Variants in SEMA6D observed in about 807,000 individuals in gnomAD.
SEMA6D encodes the protein semaphorin-6D.
In SEMA6D, 35 loss-of-function variants were observed where a neutral mutation model predicts 106.6. The observed-to-expected ratio is 0.33, with a 90% confidence interval of 0.25 to 0.44. SEMA6D has a LOEUF of 0.44. Ranked by LOEUF, SEMA6D falls within the 20% of genes least tolerant of loss-of-function variation. The pLI is 1.00. For synonymous variants in SEMA6D, 499 were observed against 487.7 expected, an observed-to-expected ratio of 1.02 and a Z score of -0.31; for missense variants, 1,185 against 1,345.9, an observed-to-expected ratio of 0.88 and a Z score of 1.87.
chr15:47,765,446 C>T, intron 13 of SEMA6D: 2 of 997,858 alleles, frequency 2.0e-6, no homozygotes, highest in Non-Finnish European at 2.4e-6. Flanking sequence ...TATTTCCTTC[C>T]TATCTTTAAT....
intron 1 of SEMA6D, among the ~76,000 whole-genome samples, chr15:47,323,612 A>G (rs994402656): frequency 6.6e-6 from 1 of 152,162 alleles, no homozygotes; most frequent in African/African-American, 2.4e-5. Flanking sequence ...CATGGATTCT[A>G]TCTGAAACTG....
intron 3 of SEMA6D, among the ~76,000 whole-genome samples, chr15:47,591,335 G>T (rs554070162): frequency 6.6e-6 from 1 of 152,240 alleles, no homozygotes; most frequent in East Asian, 1.9e-4. Context: ...CATTAAATTT[G>T]GAGGAACACA....
chr15:47,359,575 A>G (rs1408184025), intron 1 of SEMA6D: 2 of 152,190 alleles, frequency 1.3e-5, no homozygotes, highest in Non-Finnish European at 2.9e-5. Context: ...TAGAAGACAT[A>G]GTTATGATAG....
At chr15:47,397,733 C>G (rs2040263617) in intron 1 of SEMA6D, 1 of 152,140 alleles carries the variant, frequency 6.6e-6, no homozygotes, top group Non-Finnish European at 1.5e-5. Flanking sequence ...TCAGCATTTC[C>G]TTGCTTTGTA....
At chr15:47,584,699 G>A (rs991366088) in intron 3 of SEMA6D, among the ~76,000 whole-genome samples, 8 of 152,122 alleles carry the variant, frequency 5.3e-5, no homozygotes, top group Non-Finnish European at 1.0e-4. Context: ...ATGAATGATT[G>A]GATGAGGCTT....
intron 3 of SEMA6D, among the ~76,000 whole-genome samples, chr15:47,577,216 C>A (rs1386368823): frequency 6.6e-6 from 1 of 152,210 alleles, no homozygotes; most frequent in East Asian, 1.9e-4. Context: ...CTCTCCTTTT[C>A]CCCTGATATT....
chr15:47,329,110 C>T (rs73401063), intron 1 of SEMA6D, among the ~76,000 whole-genome samples: 38 of 152,210 alleles, frequency 2.5e-4, no homozygotes, highest in East Asian at 1.9e-4. Context: ...GCTGGCCATA[C>T]GCAGCTGAAC....
intron 1 of SEMA6D, chr15:47,399,352 C>G (rs1436062682): frequency 1.3e-5 from 2 of 152,246 alleles, no homozygotes; most frequent in Non-Finnish European, 2.9e-5. Flanking sequence ...CAACATTAAA[C>G]TTTCCAGTTC....
At chr15:47,572,681 A>G (rs1344015926) in intron 3 of SEMA6D, among the ~76,000 whole-genome samples, 1 of 152,200 alleles carries the variant, frequency 6.6e-6, no homozygotes, top group Non-Finnish European at 1.5e-5. Context: ...CATATATACA[A>G]CACTTTCTTC....
At chr15:47,467,420 A>G (rs2042697692) in intron 2 of SEMA6D, among the ~76,000 whole-genome samples, 1 of 152,206 alleles carries the variant, frequency 6.6e-6, no homozygotes, top group African/African-American at 2.4e-5. Flanking sequence ...TGCTTGCTAG[A>G]AGAGGCAATG....
chr15:47,314,408 C>A (rs550261407), intron 1 of SEMA6D, among the ~76,000 whole-genome samples: 2 of 150,774 alleles, frequency 1.3e-5, no homozygotes, highest in African/African-American at 2.4e-5. Flanking sequence ...ACCATCCTGG[C>A]TAAAACGGTG....
intron 1 of SEMA6D, among the ~76,000 whole-genome samples, chr15:47,726,563 G>T (rs1236044676): frequency 6.6e-6 from 1 of 152,160 alleles, no homozygotes; most frequent in East Asian, 1.9e-4. Flanking sequence ...CTTCGTGGGG[G>T]CTGTGAGTTT....
intron 4 of SEMA6D, among the ~76,000 whole-genome samples, chr15:47,623,786 G>A (rs1164552692): frequency 6.6e-6 from 1 of 152,114 alleles, no homozygotes; most frequent in African/African-American, 2.4e-5. Context: ...GTATTTTGTA[G>A]CCCAGAAGGA....
chr15:47,377,964 C>T lies in SEMA6D; in HGVS notation c.-238-34429C>T, dbSNP rs186318123. On this transcript the variant is annotated intron_variant, in intron 1 of 19. Coordinates refer to the SEMA6D transcript ENST00000558014. The stretch of plus-strand genomic sequence containing the variant: ...TAGGTGAAAGTTTATACCACCTGGT[C>T]CCTTTCCATTGAATATATTACCTGG... Among the ~76,000 whole-genome samples the T allele has an allele frequency of 7.9e-5, 12 of 152,248 alleles. No individual in the cohort carries two copies. The East Asian group carries it at 2.3e-3, about 29-fold the overall frequency.
chr15:47,374,733 G>T (rs2039392308), intron 1 of SEMA6D, among the ~76,000 whole-genome samples: 1 of 152,146 alleles, frequency 6.6e-6, no homozygotes, highest in Non-Finnish European at 1.5e-5. Context: ...GAGCAGCAAG[G>T]ACAAAATACA....
intron 2 of SEMA6D, among the ~76,000 whole-genome samples, chr15:47,433,372 C>G (rs552944760): frequency 5.3e-5 from 8 of 151,684 alleles, no homozygotes; most frequent in African/African-American, 1.9e-4. Flanking sequence ...TCCAAGTATG[C>G]CATTATAAAA....
intron 3 of SEMA6D, among the ~76,000 whole-genome samples, chr15:47,543,612 A>T (rs2045425120): frequency 6.6e-6 from 1 of 152,134 alleles, no homozygotes; most frequent in Non-Finnish European, 1.5e-5. Flanking sequence ...CCTAAATTTT[A>T]GTCTACACCT....
At chr15:47,637,333 C>T (rs1407097374) in intron 4 of SEMA6D, among the ~76,000 whole-genome samples, 1 of 152,152 alleles carries the variant, frequency 6.6e-6, no homozygotes, top group East Asian at 1.9e-4. Context: ...CTTTTCTACC[C>T]ATGTTTCGTT....
At chr15:47,386,264 G>C (rs1367672884) in intron 1 of SEMA6D, among the ~76,000 whole-genome samples, 1 of 152,102 alleles carries the variant, frequency 6.6e-6, no homozygotes, top group African/African-American at 2.4e-5. Flanking sequence ...CTTCCAACTG[G>C]GGGTAGGGAC....
Sources: gnomAD v4.1 joint callset for allele counts (sites outside exome capture counted in the v4.1 genomes callset) on GRCh38, gnomAD v4.1.1 for gene constraint, MANE v1.5 for transcripts, NCBI Gene and HGNC (gene_info 2026-07-23, HGNC 2026-07-21) for gene names.